The following KIAA0319L variants were observed in gnomAD, a reference collection of about 807,000 sequenced individuals.
KIAA0319L encodes dyslexia-associated protein KIAA0319-like protein.
A neutral mutation model predicts 120.1 loss-of-function variants in KIAA0319L; 55 were observed. The observed-to-expected ratio is 0.46, with a 90% confidence interval of 0.37 to 0.57. The LOEUF (loss-of-function observed/expected upper bound fraction) is 0.57. KIAA0319L is among the 20% of genes least tolerant of loss of function. The probability of loss-of-function intolerance (pLI) is 0.00; values close to 1 mark genes in which losing one functional copy is unlikely to be tolerated. For synonymous variants in KIAA0319L, 398 were observed against 471.9 expected (o/e 0.84, Z 2.03); for missense variants, 1,049 against 1,255.3 (o/e 0.84, Z 2.48).
intron 13 of KIAA0319L, 102 bp from the exon 14 acceptor site, chr1:35,450,611 C>G: frequency 8.7e-7 from 1 of 1,155,224 alleles, no homozygotes; most frequent in Non-Finnish European, 1.2e-6. Flanking sequence ...AGTACCTTAA[C>G]TGGAGAACCT....
chr1:35,552,113 G>C (rs757273852), intron 2 of KIAA0319L, among the ~76,000 whole-genome samples: 1 of 151,898 alleles, frequency 6.6e-6, no homozygotes, highest in Non-Finnish European at 1.5e-5. Flanking sequence ...GGGAGGCCAA[G>C]ATGGGCAGAT....
At chr1:35,554,264 T>C (rs1040804871) in intron 2 of KIAA0319L, 86 bp downstream of exon 2, 2 of 1,031,042 alleles carry the variant, frequency 1.9e-6, no homozygotes, top group Non-Finnish European at 1.3e-6. Context: ...TTCTGCCTCC[T>C]AATAGTCCTT....
In KIAA0319L at chr1:35,451,896, T is replaced by C. The variant is rs1400141736; in HGVS notation, c.1914-120A>G. The C allele has an allele frequency of 3.0e-6, 3 of 988,240 alleles. No individual in the cohort carries two copies. In the African/African-American group the frequency reaches 4.9e-5, roughly 16 times the overall value. The allele number at this position is 988,240 out of a possible 1,614,324, so 61.2% of individuals were successfully genotyped here. A position where few individuals can be genotyped will look rare whatever the true frequency, so the allele number is the denominator to read the frequency against. ...ACACGAACTACTGTTACCCAGACCT[T>C]GACAAGACATGTTTAAAAATATTTC... On this transcript the variant is annotated intron_variant, in intron 12 of 20. Coordinates refer to ENST00000325722, the MANE Select transcript of KIAA0319L (RefSeq NM_024874.5).
intron 20 of KIAA0319L, among the ~76,000 whole-genome samples, chr1:35,435,820 A>C (rs1179717421): frequency 6.6e-6 from 1 of 152,208 alleles, no homozygotes; most frequent in East Asian, 1.9e-4. Flanking sequence ...CACAGACATG[A>C]AATGTGGTCT....
rs74712028 is a variant in KIAA0319L, at chr1:35,520,665, C to T, written c.143-13530G>A. Among the ~76,000 whole-genome samples the T allele has an allele frequency of 2.0e-5, 3 of 152,120 alleles. No individual in the cohort carries two copies. In the East Asian group the frequency reaches 5.8e-4, roughly 29 times the overall value. On this transcript the variant is annotated intron_variant, in intron 2 of 20. Transcript: ENST00000325722. The stretch of plus-strand genomic sequence containing the variant: ...GTTCTGCTGCCTCAAGAATGAGCAA[C>T]CTCAATGACCTCCATTCTTTTCAAA...
At chr1:35,496,943 T>C (rs1278273547) in intron 3 of KIAA0319L, among the ~76,000 whole-genome samples, 2 of 98,120 alleles carry the variant, frequency 2.0e-5, no homozygotes, top group African/African-American at 1.2e-4. Flanking sequence ...TGAGATTGTG[T>C]CTCCAAAAAA....
At chr1:35,444,470 TAC>T (rs1234612433) in intron 16 of KIAA0319L, among the ~76,000 whole-genome samples, 167 bp from the exon 17 acceptor site, 2 of 152,206 alleles carry the variant, frequency 1.3e-5, no homozygotes, top group Non-Finnish European at 2.9e-5. Flanking sequence ...ATCTCCATTT[TAC>T]AGAGAACAAC....
intron 4 of KIAA0319L, among the ~76,000 whole-genome samples, chr1:35,477,624 G>A (rs560201462): frequency 5.7e-5 from 8 of 140,714 alleles, no homozygotes; most frequent in South Asian, 4.5e-4. Context: ...CCGAGATTGC[G>A]CCACTGCACT....
At chr1:35,496,427 T>A (rs1028363775) in intron 3 of KIAA0319L, among the ~76,000 whole-genome samples, 2 of 151,730 alleles carry the variant, frequency 1.3e-5, no homozygotes, top group African/African-American at 4.8e-5. Context: ...CTCAAAAAAA[T>A]AAAAAATAAA....
chr1:35,466,237 G>A (rs142364263), intron 7 of KIAA0319L, among the ~76,000 whole-genome samples: 1 of 152,316 alleles, frequency 6.6e-6, no homozygotes, highest in East Asian at 1.9e-4. Context: ...AAAGAGATCA[G>A]AAAGAGCTGG....
intron 4 of KIAA0319L, among the ~76,000 whole-genome samples, chr1:35,477,010 C>T (rs1643914788): frequency 6.6e-6 from 1 of 152,074 alleles, no homozygotes. Flanking sequence ...CTCCAGGACA[C>T]TGGTCTGAGC....
intron 2 of KIAA0319L, among the ~76,000 whole-genome samples, chr1:35,508,649 G>A (rs1205284833): frequency 1.3e-5 from 2 of 151,728 alleles, no homozygotes; most frequent in Non-Finnish European, 2.9e-5. Context: ...GCTACCAACA[G>A]ATACAGAAAT....
intron 2 of KIAA0319L, among the ~76,000 whole-genome samples, chr1:35,537,439 T>C (rs1464842292): frequency 6.6e-6 from 1 of 150,448 alleles, no homozygotes; most frequent in African/African-American, 2.4e-5. Flanking sequence ...GAAGGTCATT[T>C]AGAGGGCCGC....
chr1:35,475,672 C>T (rs953447886), intron 4 of KIAA0319L, among the ~76,000 whole-genome samples: 3 of 152,064 alleles, frequency 2.0e-5, no homozygotes, highest in Non-Finnish European at 2.9e-5. Context: ...TTTATCTTCC[C>T]TCTGCTAGCT....
intron 1 of KIAA0319L, chr1:35,555,039 C>T (rs1447516876): frequency 6.6e-6 from 1 of 152,246 alleles, no homozygotes; most frequent in Non-Finnish European, 1.5e-5. Flanking sequence ...CCGCCCACCA[C>T]TATTATCATG....
At chr1:35,448,134 T>C (rs533866704) in intron 16 of KIAA0319L, 39 bp downstream of exon 16, 5 of 1,539,180 alleles carry the variant, frequency 3.2e-6, no homozygotes, top group Non-Finnish European at 4.4e-6. Flanking sequence ...CGGGGGCCCC[T>C]GGTCTTTCCT....
intron 2 of KIAA0319L, among the ~76,000 whole-genome samples, chr1:35,507,780 A>T (rs1290354853): frequency 6.6e-6 from 1 of 152,210 alleles, no homozygotes; most frequent in African/African-American, 2.4e-5. Context: ...AATTTTAACC[A>T]CGAGAGCAAT....
At chr1:35,457,006 G>A (rs143074315) in intron 9 of KIAA0319L, among the ~76,000 whole-genome samples, 1 of 152,176 alleles carries the variant, frequency 6.6e-6, no homozygotes, top group African/African-American at 2.4e-5. Context: ...AGTGGAGTCA[G>A]GTTCTGATCC....
intron 20 of KIAA0319L, chr1:35,438,587 C>A (rs1443327014): frequency 1.6e-5 from 2 of 126,174 alleles, no homozygotes; most frequent in East Asian, 4.9e-4. Flanking sequence ...GATCTCAGTT[C>A]ACTGAAACCT....
Sources: gnomAD v4.1 joint callset for allele counts (sites outside exome capture counted in the v4.1 genomes callset) on GRCh38, gnomAD v4.1.1 for gene constraint, MANE v1.5 for transcripts, NCBI Gene and HGNC (gene_info 2026-07-23, HGNC 2026-07-21) for gene names.